SEC23IP: variants seen among roughly 807,000 people sequenced by gnomAD.
SEC23IP encodes the protein SEC23-interacting protein.
A neutral mutation model predicts 113.4 loss-of-function variants in SEC23IP; 70 were observed. The observed-to-expected ratio is 0.62, with a 90% CI of 0.51 to 0.75. The LOEUF is 0.75. SEC23IP is among the 30% of genes least tolerant of loss of function. SEC23IP has a pLI of 0.00. For missense variants in SEC23IP, 1,160 were observed against 1,204.9 expected, an observed-to-expected ratio of 0.96 and a Z score of 0.55; for synonymous variants, 398 against 421.0, an observed-to-expected ratio of 0.95 and a Z score of 0.67.
intron 4 of SEC23IP, among the ~76,000 whole-genome samples, chr10:119,908,103 G>C (rs1438072709): frequency 1.3e-5 from 2 of 152,156 alleles, no homozygotes; most frequent in African/African-American, 4.8e-5. Flanking sequence ...TAAAGGACTT[G>C]AACACCAGGG....
chr10:119,909,223 C>T, intron 5 of SEC23IP, 93 bp downstream of exon 5: 1 of 759,340 alleles, frequency 1.3e-6, no homozygotes, highest in Admixed American at 2.8e-5. Context: ...GTAACTTCTA[C>T]AGTGGGAATG....
chr10:119,896,657 C>T (rs528009284), intron 1 of SEC23IP, among the ~76,000 whole-genome samples: 25 of 152,258 alleles, frequency 1.6e-4, no homozygotes, highest in East Asian at 7.7e-4. Flanking sequence ...GAAAGTGCCC[C>T]TGAGGTGAGG....
At chr10:119,933,303 C>A in intron 17 of SEC23IP, 136 bp downstream of exon 17, 1 of 793,148 alleles carries the variant, frequency 1.3e-6, no homozygotes, top group Non-Finnish European at 2.0e-6. Context: ...TGTTCAGAAT[C>A]GTTATTTTTC....
At position 119,898,494 on chromosome 10, in the gene SEC23IP, A is replaced by G; in HGVS notation, c.231A>G (p.Pro77=). ...AGACTTCTATTCACACATCTGCCCC[A>G]CAGACATTTAGTTACTTCTCTCAGG... ...LGQTSIHTSA[P]QTFSYFSQVS... Residue 77 remains proline, a synonymous_variant, in exon 2 of 19, where the codon CCA becomes CCG. Transcript: ENST00000369075. 1.9e-6 allele frequency: 3 copies of G among 1,614,100 alleles called. No homozygotes were observed. Among genetic ancestry groups the G allele is most frequent in the Non-Finnish European group, 1.7e-6 (2 of 1,180,022 alleles).
intron 8 of SEC23IP, among the ~76,000 whole-genome samples, chr10:119,916,680 C>G (rs1207378124): frequency 6.6e-6 from 1 of 152,014 alleles, no homozygotes; most frequent in African/African-American, 2.4e-5. Context: ...TTGATATTCT[C>G]TTTAGTCCTT....
chr10:119,914,615 T>C (rs1250820291), intron 6 of SEC23IP, 115 bp from the exon 7 acceptor site: 1 of 799,286 alleles, frequency 1.3e-6, no homozygotes, highest in African/African-American at 1.7e-5. Context: ...CTTTGAAGGG[T>C]CATGAATTTC....
At position 119,918,597 on chromosome 10, in the gene SEC23IP, CT is replaced by C. The variant is rs951024677; in HGVS notation, c.1872+90del. 82 of 732,788 alleles carry C rather than the reference CT, an allele frequency of 1.1e-4. No homozygotes were observed. The Admixed American group carries it at 1.5e-3, about 13-fold the overall frequency. 45.4% of individuals were successfully genotyped at this position (732,788 alleles called of 1,614,324 possible). A position where few individuals can be genotyped will look rare whatever the true frequency, so the allele number is the denominator to read the frequency against. On this transcript the variant is annotated intron_variant, in intron 10 of 18. Coordinates refer to ENST00000369075, the MANE Select transcript of SEC23IP (RefSeq NM_007190.4). The stretch of plus-strand genomic sequence containing the variant: ...CAAAAGTCTGAACTGTTTCTTGAAA[CT>C]TTTGTTTGTTTGTTTGTTTGTTTGT...
chr10:119,932,173 G>A lies in SEC23IP; in HGVS notation c.2613G>A (p.Lys871=). The change falls in exon 16 of 19, where the codon AAG becomes AAA. Residue 871 remains lysine, a synonymous_variant. Coordinates refer to ENST00000369075, the MANE Select transcript of SEC23IP (RefSeq NM_007190.4). ...TCTCTCGTATGGGATCTGATTTGAA[G>A]CAGGGTTTTATTAGCTCTCTCAAAA... ...ESLSRMGSDL[K]QGFISSLKSA... 1 of 1,612,906 alleles carries A rather than the reference G, an allele frequency of 6.2e-7. No homozygotes were observed. Among genetic ancestry groups the A allele is most frequent in the Non-Finnish European group, 8.5e-7 (1 of 1,178,910 alleles).
In SEC23IP at chr10:119,912,041, A is replaced by C; in HGVS notation, c.1192-3A>C. On this transcript the variant is annotated splice_polypyrimidine_tract_variant and splice_region_variant and intron_variant, in intron 5 of 18. Transcript: ENST00000369075. ...TTTGTCATAATTCTGTTGCATCTTG[A>C]AGGTTATTGTTCAGTTCCAGCCCTC... 1 of 1,613,598 alleles carries C rather than the reference A, an allele frequency of 6.2e-7. No individual in the cohort carries two copies. Among genetic ancestry groups the C allele is most frequent in the Non-Finnish European group, 8.5e-7 (1 of 1,179,812 alleles).
intron 16 of SEC23IP, among the ~76,000 whole-genome samples, chr10:119,932,560 A>T (rs1476651134): frequency 6.6e-5 from 10 of 152,198 alleles, no homozygotes; most frequent in Admixed American, 6.5e-4. Context: ...TTTAAAAATT[A>T]TATTGAGATT....
At chr10:119,930,250 T>C in intron 14 of SEC23IP, 79 bp from the exon 15 acceptor site, 10 of 713,580 alleles carry the variant, frequency 1.4e-5, no homozygotes, top group Non-Finnish European at 2.3e-5. Flanking sequence ...GTATCCATTT[T>C]CTTACCCAGC....
At chr10:119,920,816 A>G in intron 11 of SEC23IP, 73 bp from the exon 12 acceptor site, 1 of 1,048,836 alleles carries the variant, frequency 9.5e-7, no homozygotes, top group Non-Finnish European at 1.4e-6. Flanking sequence ...TGGTTTCTTT[A>G]TAATTTTCAT....
chr10:119,899,002 C>T (rs1854388321), intron 2 of SEC23IP, 43 bp downstream of exon 2: 14 of 1,436,484 alleles, frequency 9.7e-6, no homozygotes, highest in Non-Finnish European at 1.2e-5. Context: ...CACTCTGTGT[C>T]TTCTTTCTCA....
At chr10:119,922,790 G>A (rs1163336451) in intron 12 of SEC23IP, among the ~76,000 whole-genome samples, 2 of 152,050 alleles carry the variant, frequency 1.3e-5, no homozygotes, top group Non-Finnish European at 2.9e-5. Context: ...GTGTTGAATC[G>A]TTCTGTAATT....
In SEC23IP at chr10:119,930,424, T is replaced by A; in HGVS notation, c.2565T>A (p.Leu855=). The change falls in exon 15 of 19, where the codon CTT becomes CTA. Residue 855 remains leucine, a synonymous_variant. Coordinates refer to ENST00000369075, the MANE Select transcript of SEC23IP (RefSeq NM_007190.4). Reference sequence around the variant, plus strand: ...CACATCACAAAGGCAGAAAAAGACTTCATTTAGGTAAAAAGCAAATACTAT... The same window carrying A: ...CACATCACAAAGGCAGAAAAAGACTACATTTAGGTAAAAAGCAAATACTAT... ...LIPHHKGRKR[L]HLELKESLSR... is the part of the protein sequence containing the mutation. The A allele has an allele frequency of 6.3e-7, 1 of 1,596,834 alleles. No homozygotes were observed.
chr10:119,918,196 T>G (rs1303403076), intron 9 of SEC23IP, 152 bp downstream of exon 9: 3 of 737,312 alleles, frequency 4.1e-6, no homozygotes, highest in Non-Finnish European at 6.6e-6. Context: ...AGATTCTGCC[T>G]TTTCTATATT....
rs368359470 is a variant in SEC23IP, at chr10:119,898,000, G to A, written c.164-427G>A. Among the ~76,000 whole-genome samples the A allele has an allele frequency of 6.4e-5, 9 of 140,156 alleles. No homozygotes were observed. The South Asian group carries it at 1.0e-3, about 16-fold the overall frequency. The allele number at this position is 140,156 out of a possible 152,430, so 91.9% of individuals were successfully genotyped here. A position where few individuals can be genotyped will look rare whatever the true frequency, so the allele number is the denominator to read the frequency against. ...AGCCTGGGCGACAGAGCGAGACGCCGTCTCAAAAAAAAATAAAAAAAAAAA... is the reference window on the plus strand; with the variant it reads ...AGCCTGGGCGACAGAGCGAGACGCCATCTCAAAAAAAAATAAAAAAAAAAA... On this transcript the variant is annotated intron_variant, in intron 1 of 18. Transcript: ENST00000369075.
At chr10:119,897,568 G>A (rs1854319021) in intron 1 of SEC23IP, among the ~76,000 whole-genome samples, 1 of 152,160 alleles carries the variant, frequency 6.6e-6, no homozygotes, top group Non-Finnish European at 1.5e-5. Flanking sequence ...TGCTTTGTAG[G>A]TGAGATTCCT....
chr10:119,912,359 C>A (rs957268612), intron 6 of SEC23IP, among the ~76,000 whole-genome samples, 195 bp downstream of exon 6: 1 of 152,154 alleles, frequency 6.6e-6, no homozygotes, highest in African/African-American at 2.4e-5. Flanking sequence ...TCTCGAACTC[C>A]TGAGCTCAAG....
Sources: gnomAD v4.1 joint callset for allele counts (sites outside exome capture counted in the v4.1 genomes callset) on GRCh38, gnomAD v4.1.1 for gene constraint, MANE v1.5 for transcripts, NCBI Gene and HGNC (gene_info 2026-07-23, HGNC 2026-07-21) for gene names.